PHTF2: variants seen among roughly 807,000 people sequenced by gnomAD.
PHTF2 encodes the protein protein PHTF2.
A neutral mutation model predicts 101.2 loss-of-function variants in PHTF2; 60 were observed. That is an observed-to-expected ratio of 0.59 (90% CI 0.48 to 0.73). PHTF2 has a LOEUF of 0.73. Ranked by LOEUF, PHTF2 falls within the 30% of genes least tolerant of loss-of-function variation. The pLI, the probability that PHTF2 is intolerant of heterozygous loss-of-function variation, is 0.00. For missense variants in PHTF2, 747 were observed against 908.7 expected (o/e 0.82, Z 2.29); for synonymous variants, 311 against 307.3 (o/e 1.01, Z -0.13).
At chr7:77,843,234 T>G (rs1171782102) in intron 2 of PHTF2, among the ~76,000 whole-genome samples, 2 of 152,232 alleles carry the variant, frequency 1.3e-5, no homozygotes, top group African/African-American at 4.8e-5. Flanking sequence ...TGTTTGTGTA[T>G]GTATCATTTA....
At chr7:77,905,331 T>C (rs1428741891) in intron 7 of PHTF2, among the ~76,000 whole-genome samples, 1 of 151,998 alleles carries the variant, frequency 6.6e-6, no homozygotes, top group African/African-American at 2.4e-5. Flanking sequence ...GCACAAACAA[T>C]CCTCCAGCCT....
chr7:77,868,145 T>C (rs1185595224), intron 3 of PHTF2, among the ~76,000 whole-genome samples: 2 of 151,820 alleles, frequency 1.3e-5, no homozygotes, highest in African/African-American at 4.8e-5. Flanking sequence ...AATTGGATCT[T>C]TTGTTTTTTT....
At chr7:77,915,979 CTGTGTGTGTGTGTG>C (rs34376513) in intron 9 of PHTF2, among the ~76,000 whole-genome samples, 2 of 147,832 alleles carry the variant, frequency 1.4e-5, no homozygotes, top group Non-Finnish European at 1.5e-5. Context: ...ATTTGTGTGT[CTGTGTGTGTGTGTG>C]TGTGTGTGTG....
At chr7:77,933,213 G>C (rs537354838) in intron 12 of PHTF2, among the ~76,000 whole-genome samples, 3 of 152,186 alleles carry the variant, frequency 2.0e-5, no homozygotes, top group Admixed American at 2.0e-4. Flanking sequence ...ACTCCAGCCT[G>C]GGCAACAGAG....
At chr7:77,922,267 T>C in intron 10 of PHTF2, among the ~76,000 whole-genome samples, 1 of 152,072 alleles carries the variant, frequency 6.6e-6, no homozygotes, top group East Asian at 1.9e-4. Flanking sequence ...CCTCAAACAG[T>C]CTTCCCACTT....
At chr7:77,891,567 T>C (rs1800409059) in intron 3 of PHTF2, among the ~76,000 whole-genome samples, 1 of 129,018 alleles carries the variant, frequency 7.8e-6, no homozygotes, top group African/African-American at 3.4e-5. Context: ...TTTGGGGGTA[T>C]AATATGGTTT....
At chr7:77,879,352 G>C (rs1799213092) in intron 3 of PHTF2, among the ~76,000 whole-genome samples, 2 of 152,136 alleles carry the variant, frequency 1.3e-5, no homozygotes. Context: ...CATGGCTGCT[G>C]CTGCTTCTCA....
intron 2 of PHTF2, among the ~76,000 whole-genome samples, chr7:77,846,587 G>GCCTCCCCTCC (rs1796309712): frequency 3.2e-5 from 1 of 30,776 alleles, no homozygotes; most frequent in Non-Finnish European, 6.1e-5. Context: ...GCCTCCCCTC[G>GCCTCCCCTCC]CCTCCCCTCG....
At chr7:77,805,211 C>T (rs1792877766) in intron 1 of PHTF2, among the ~76,000 whole-genome samples, 1 of 152,186 alleles carries the variant, frequency 6.6e-6, no homozygotes, top group Admixed American at 6.5e-5. Flanking sequence ...CATAAAGTTA[C>T]TCATGACATT....
chr7:77,810,601 A>T (rs1254057635), intron 1 of PHTF2, among the ~76,000 whole-genome samples: 10 of 152,034 alleles, frequency 6.6e-5, no homozygotes, highest in African/African-American at 2.4e-4. Context: ...GCAGTGGCAC[A>T]ATCTTGGCTC....
At chr7:77,951,153 A>G (rs1026683813) in intron 17 of PHTF2, among the ~76,000 whole-genome samples, 7 of 152,222 alleles carry the variant, frequency 4.6e-5, no homozygotes, top group Admixed American at 1.3e-4. Flanking sequence ...CAAATAAATC[A>G]TAAAACAACA....
intron 12 of PHTF2, among the ~76,000 whole-genome samples, chr7:77,932,260 AAG>A (rs1316176489): frequency 1.3e-5 from 2 of 152,170 alleles, no homozygotes; most frequent in African/African-American, 4.8e-5. Flanking sequence ...GGAAGAATCA[AAG>A]AGATACGGAA....
Position 77,809,224 on chromosome 7 carries a change from G to GTTTTTTTTTTTTTTTT in PHTF2, c.-36+10258_-36+10273dup, listed in dbSNP as rs34141515. Among the ~76,000 whole-genome samples the GTTTTTTTTTTTTTTTT allele has an allele frequency of 1.8e-3, 174 of 98,482 alleles. 4 individuals are homozygous for GTTTTTTTTTTTTTTTT. Among genetic ancestry groups the GTTTTTTTTTTTTTTTT allele is most frequent in the Middle Eastern group, 6.5e-3 (1 of 154 alleles). 64.6% of individuals were successfully genotyped at this position (98,482 alleles called of 152,430 possible). A position where few individuals can be genotyped will look rare whatever the true frequency, so the allele number is the denominator to read the frequency against. Reference sequence around the variant, plus strand: ...TTTTCCTATATAAACCCAGTTCGTTGTTTTTTTTTTTTTTTTTTTTGAGAT... The same window carrying GTTTTTTTTTTTTTTTT: ...TTTTCCTATATAAACCCAGTTCGTTGTTTTTTTTTTTTTTTTTTTTTTTTTTTTTTTTTTTTGAGAT... On this transcript the variant is annotated intron_variant, in intron 1 of 19. Coordinates refer to ENST00000416283, the Ensembl canonical transcript of PHTF2.
At chr7:77,937,862 G>A (rs770247476) in intron 13 of PHTF2, 24 bp downstream of exon 12, 2 of 1,338,024 alleles carry the variant, frequency 1.5e-6, no homozygotes, top group East Asian at 2.6e-5. Flanking sequence ...TTTTATTCTT[G>A]TAGTTCAAGG....
chr7:77,939,180 A>G (rs1324147968), intron 13 of PHTF2, among the ~76,000 whole-genome samples: 1 of 152,168 alleles, frequency 6.6e-6, no homozygotes, highest in Admixed American at 6.5e-5. Context: ...CCCATTATCT[A>G]ATTTCCTTTT....
chr7:77,854,934 C>T, intron 3 of PHTF2: 1 of 629,752 alleles, frequency 1.6e-6, no homozygotes, highest in South Asian at 1.8e-5. Flanking sequence ...GGCCTGGAAT[C>T]AAGGAACCCA....
intron 1 of PHTF2, among the ~76,000 whole-genome samples, chr7:77,816,371 G>C (rs954734732): frequency 9.2e-5 from 14 of 152,156 alleles, no homozygotes; most frequent in African/African-American, 3.4e-4. Flanking sequence ...CACCATGCCT[G>C]ACATGAAATA....
chr7:77,807,607 A>G (rs1380182798), intron 1 of PHTF2, among the ~76,000 whole-genome samples: 1 of 152,114 alleles, frequency 6.6e-6, no homozygotes, highest in East Asian at 1.9e-4. Context: ...TCAACCCCTT[A>G]CCAGATTTCT....
At chr7:77,865,954 C>A (rs1016076559) in intron 3 of PHTF2, among the ~76,000 whole-genome samples, 1 of 151,742 alleles carries the variant, frequency 6.6e-6, no homozygotes, top group Non-Finnish European at 1.5e-5. Context: ...GAGGCGAAGG[C>A]GGGCAGATCT....
Sources: allele counts gnomAD v4.1 joint callset (sites outside exome capture counted in the v4.1 genomes callset), GRCh38; gene constraint gnomAD v4.1.1; transcripts MANE v1.5; gene names NCBI Gene and HGNC (gene_info 2026-07-23, HGNC 2026-07-21).